Variants in SGF29 observed in about 807,000 individuals in gnomAD.
SGF29 encodes SAGA-associated factor 29.
A neutral mutation model predicts 38.1 loss-of-function variants in SGF29; 15 were observed. That is an observed-to-expected ratio of 0.39 (90% CI 0.26 to 0.61). The LOEUF is 0.61. Among genes scored for constraint, SGF29 ranks in the 20% least tolerant of loss-of-function variants. The pLI is 0.49. For synonymous variants in SGF29, 151 were observed against 160.8 expected (o/e 0.94, Z 0.46); for missense variants, 184 against 394.6 (o/e 0.47, Z 4.52).
chr16:28,563,749 C>G (rs1463933211), intron 1 of SGF29, among the ~76,000 whole-genome samples: 1 of 103,650 alleles, frequency 9.6e-6, no homozygotes, highest in Admixed American at 1.5e-4. Context: ...GAGACAGAGT[C>G]TTGCTCTGTC....
At chr16:28,564,567 G>A (rs1182274371) in intron 1 of SGF29, among the ~76,000 whole-genome samples, 9 of 117,624 alleles carry the variant, frequency 7.7e-5, no homozygotes, top group South Asian at 2.6e-4. Context: ...ATATATATAC[G>A]TATATATATA....
chr16:28,566,664 C>A (rs2046837759), intron 1 of SGF29, among the ~76,000 whole-genome samples: 1 of 150,342 alleles, frequency 6.7e-6, no homozygotes, highest in African/African-American at 2.4e-5. Context: ...ACCTGTAGTC[C>A]CAGCTACTCA....
intron 1 of SGF29, among the ~76,000 whole-genome samples, chr16:28,579,350 C>T (rs375964390): frequency 6.6e-6 from 1 of 150,400 alleles, no homozygotes; most frequent in Non-Finnish European, 1.5e-5. Flanking sequence ...CTCCATCTCC[C>T]GGGTTCAAGC....
chr16:28,565,588 C>T (rs1029310211), intron 1 of SGF29, among the ~76,000 whole-genome samples: 1 of 152,108 alleles, frequency 6.6e-6, no homozygotes, highest in African/African-American at 2.4e-5. Flanking sequence ...ACCTCCTCCT[C>T]CTGGGTTCAT....
chr16:28,565,187 G>A (rs950064402), intron 1 of SGF29, among the ~76,000 whole-genome samples: 5 of 152,072 alleles, frequency 3.3e-5, no homozygotes, highest in Non-Finnish European at 7.3e-5. Context: ...CCAACTGGAC[G>A]GTGCCCACCC....
At chr16:28,579,351 G>A (rs1458644549) in intron 1 of SGF29, among the ~76,000 whole-genome samples, 4 of 147,120 alleles carry the variant, frequency 2.7e-5, no homozygotes, top group Non-Finnish European at 4.5e-5. Flanking sequence ...TCCATCTCCC[G>A]GGTTCAAGCA....
At chr16:28,563,988 C>T (rs1476707940) in intron 1 of SGF29, among the ~76,000 whole-genome samples, 1 of 152,148 alleles carries the variant, frequency 6.6e-6, no homozygotes, top group Non-Finnish European at 1.5e-5. Context: ...CTCAGGTGAT[C>T]TGCCCGCCTC....
intron 1 of SGF29, among the ~76,000 whole-genome samples, chr16:28,561,106 G>A (rs774123176): frequency 1.7e-4 from 26 of 152,106 alleles, no homozygotes; most frequent in Non-Finnish European, 2.1e-4. Flanking sequence ...TTAAAACTTC[G>A]TCAGGCCAGG....
chr16:28,564,829 A>G lies in SGF29; in HGVS notation c.-16+10732A>G, dbSNP rs138927223. On this transcript the variant is annotated intron_variant, in intron 1 of 9. Transcript: ENST00000317058. ...CACAAACACACACACACACATATAT[A>G]TGAGTTTATTAGGGAGAATTGCCTC... Among the ~76,000 whole-genome samples, 4 of 144,922 alleles carry G rather than the reference A, an allele frequency of 2.8e-5. No individual in the cohort carries two copies. The East Asian group carries it at 6.0e-4, about 22-fold the overall frequency.
intron 1 of SGF29, among the ~76,000 whole-genome samples, chr16:28,570,365 C>A (rs972629598): frequency 6.6e-6 from 1 of 152,130 alleles, no homozygotes; most frequent in Non-Finnish European, 1.5e-5. Flanking sequence ...CCTATTACCC[C>A]TTTCTTCTTT....
chr16:28,564,596 C>CACAT (rs2046814649), intron 1 of SGF29, among the ~76,000 whole-genome samples: 8 of 109,104 alleles, frequency 7.3e-5, no homozygotes, highest in Non-Finnish European at 1.1e-4. Flanking sequence ...TATATACACA[C>CACAT]ATATATGTGT....
chr16:28,560,078 A>G (rs1460348394), intron 1 of SGF29, among the ~76,000 whole-genome samples: 2 of 151,750 alleles, frequency 1.3e-5, no homozygotes, highest in African/African-American at 4.8e-5. Flanking sequence ...CTTCTCTACT[A>G]AAAGTACAAA....
intron 1 of SGF29, among the ~76,000 whole-genome samples, chr16:28,575,997 CAGAG>C (rs769462399): frequency 1.3e-5 from 2 of 152,058 alleles, no homozygotes; most frequent in Non-Finnish European, 2.9e-5. Context: ...ATAAAAATGA[CAGAG>C]AGAGACAATA....
intron 1 of SGF29, among the ~76,000 whole-genome samples, chr16:28,571,230 C>T (rs755666011): frequency 5.3e-5 from 8 of 152,056 alleles, no homozygotes; most frequent in Non-Finnish European, 7.4e-5. Context: ...ATCTTTGAAG[C>T]GGAGAGCGAT....
At chr16:28,572,870 T>C (rs529513774) in intron 1 of SGF29, among the ~76,000 whole-genome samples, 1 of 151,876 alleles carries the variant, frequency 6.6e-6, no homozygotes, top group African/African-American at 2.4e-5. Flanking sequence ...GTCCCTGGCT[T>C]CTCAGCATGA....
chr16:28,566,098 C>A (rs1016175140), intron 1 of SGF29, among the ~76,000 whole-genome samples: 1 of 151,232 alleles, frequency 6.6e-6, no homozygotes, highest in Non-Finnish European at 1.5e-5. Context: ...ACGGTGAAAC[C>A]CCGTCTCTAC....
intron 2 of SGF29, among the ~76,000 whole-genome samples, chr16:28,583,242 G>T (rs1157266138): frequency 6.6e-6 from 1 of 152,198 alleles, no homozygotes; most frequent in African/African-American, 2.4e-5. Flanking sequence ...CATTTAATTT[G>T]TTCTGTTAAC....
chr16:28,576,768 A>C (rs1201749794), intron 1 of SGF29, among the ~76,000 whole-genome samples: 3 of 152,216 alleles, frequency 2.0e-5, no homozygotes, highest in African/African-American at 7.2e-5. Flanking sequence ...AGCATTATTC[A>C]TAATAGCCAA....
intron 1 of SGF29, among the ~76,000 whole-genome samples, chr16:28,568,604 G>C (rs1035060794): frequency 5.3e-5 from 8 of 150,350 alleles, no homozygotes; most frequent in Non-Finnish European, 1.2e-4. Flanking sequence ...GTTGGGGGGG[G>C]CTCACATTCT....
Sources: allele counts gnomAD v4.1 joint callset (sites outside exome capture counted in the v4.1 genomes callset), GRCh38; gene constraint gnomAD v4.1.1; transcripts MANE v1.5; gene names NCBI Gene and HGNC (gene_info 2026-07-23, HGNC 2026-07-21).